The following TRAPPC8 variants were observed in gnomAD, a reference collection of about 807,000 sequenced individuals.
TRAPPC8 encodes the protein general sporulation gene 1 homolog.
TRAPPC8 carries 54 observed loss-of-function variants against 174.3 expected under a neutral mutation model. The ratio of observed to expected loss-of-function variants is 0.31; its 90% confidence interval spans 0.25 to 0.39. TRAPPC8 has a LOEUF of 0.39. Ranked by LOEUF, TRAPPC8 falls within the 10% of genes least tolerant of loss-of-function variation. The pLI is 1.00. For missense variants in TRAPPC8, 1,531 were observed against 1,699.1 expected (o/e 0.90, Z 1.74); for synonymous variants, 630 against 579.9 (o/e 1.09, Z -1.24).
At chr18:31,898,716 T>C (rs1303711734) in intron 10 of TRAPPC8, among the ~76,000 whole-genome samples, 1 of 152,210 alleles carries the variant, frequency 6.6e-6, no homozygotes, top group Non-Finnish European at 1.5e-5. Flanking sequence ...AAAAACATAA[T>C]CAGTTGATTT....
intron 18 of TRAPPC8, among the ~76,000 whole-genome samples, chr18:31,866,554 T>C (rs965154597): frequency 6.6e-6 from 1 of 151,676 alleles, no homozygotes; most frequent in Non-Finnish European, 1.5e-5. Flanking sequence ...AGACAATCAA[T>C]GGTTAGAATT....
At chr18:31,880,161 A>G (rs1217631168) in intron 12 of TRAPPC8, among the ~76,000 whole-genome samples, 1 of 143,764 alleles carries the variant, frequency 7.0e-6, no homozygotes, top group Non-Finnish European at 1.5e-5. Context: ...TCCTTAACTA[A>G]TATCATCCTG....
At chr18:31,858,039 T>G in intron 19 of TRAPPC8, 57 bp from the exon 20 acceptor site, 1 of 1,433,688 alleles carries the variant, frequency 7.0e-7, no homozygotes, top group Non-Finnish European at 9.4e-7. Context: ...GAACCTCTAA[T>G]GAATAACACT....
At position 31,913,469 on chromosome 18, in the gene TRAPPC8, T is replaced by G. The variant is rs371292283; in HGVS notation, c.671A>C (p.Tyr224Ser). The change falls in exon 5 of 29, where the codon TAT (tyrosine) becomes TCT (serine). Residue 224 changes from tyrosine (Y) to serine (S), a missense_variant. Coordinates refer to ENST00000283351, the MANE Select transcript of TRAPPC8 (RefSeq NM_014939.5). ...MKQKYGTQGCYLLKINSRTSN... is the reference protein window; with the variant it reads ...MKQKYGTQGCSLLKINSRTSN... ...TGTTCGAGAATTAATTTTAAGTAAA[T>G]AGCAACCCTGAGTTCCATATTTCTG... is the stretch of plus-strand genomic sequence containing the variant. 16 of 1,611,362 alleles carry G rather than the reference T, an allele frequency of 9.9e-6. No individual in the cohort carries two copies. The African/African-American group carries it at 2.0e-4, about 20-fold the overall frequency.
At chr18:31,910,590 T>A (rs1017950822) in intron 5 of TRAPPC8, among the ~76,000 whole-genome samples, 4 of 152,198 alleles carry the variant, frequency 2.6e-5, no homozygotes, top group Non-Finnish European at 5.9e-5. Flanking sequence ...TTTTTATTGA[T>A]CCTTAAGCAA....
intron 4 of TRAPPC8, among the ~76,000 whole-genome samples, chr18:31,914,681 A>G (rs191388243): frequency 1.2e-3 from 177 of 152,312 alleles, no homozygotes; most frequent in African/African-American, 4.1e-3. Context: ...ATTAAACTAC[A>G]TTTCCTCAGT....
At chr18:31,873,379 GT>G (rs746592404) in intron 14 of TRAPPC8, 50 bp downstream of exon 14, 1 of 1,430,714 alleles carries the variant, frequency 7.0e-7, no homozygotes, top group South Asian at 1.3e-5. Context: ...AGGAAAAGAA[GT>G]TTTTTTTAAA....
chr18:31,832,231 TCC>T, intron 27 of TRAPPC8, 58 bp from the exon 28 acceptor site: 1 of 1,074,030 alleles, frequency 9.3e-7, no homozygotes, highest in Non-Finnish European at 1.3e-6. Flanking sequence ...AAAGCAATTT[TCC>T]TGAAAATAAC....
At chr18:31,833,632 T>C (rs1307428807) in intron 27 of TRAPPC8, among the ~76,000 whole-genome samples, 1 of 152,196 alleles carries the variant, frequency 6.6e-6, no homozygotes, top group Non-Finnish European at 1.5e-5. Flanking sequence ...CAGAAATACC[T>C]GGCAAGCTTG....
chr18:31,860,189 T>C (rs1359532796), intron 19 of TRAPPC8, among the ~76,000 whole-genome samples: 1 of 152,124 alleles, frequency 6.6e-6, no homozygotes, highest in African/African-American at 2.4e-5. Flanking sequence ...GAGTACAAAA[T>C]GACATGCTTA....
chr18:31,871,145 G>A lies in TRAPPC8; in HGVS notation c.2063-25C>T, dbSNP rs374777270. On this transcript the variant is annotated intron_variant, in intron 14 of 28. Transcript: ENST00000283351. ...CCTAAAAAAAATTTGTTAACAACAC[G>A]TTTATGAAGACTTGCCCTCAAATAA... 12 of 1,414,480 alleles carry A rather than the reference G, an allele frequency of 8.5e-6. No individual in the cohort carries two copies. In the African/African-American group the frequency reaches 8.6e-5, roughly 10 times the overall value. 87.6% of individuals were successfully genotyped at this position (1,414,480 alleles called of 1,614,324 possible).
intron 24 of TRAPPC8, 70 bp downstream of exon 24, chr18:31,852,376 C>T: frequency 6.3e-7 from 1 of 1,574,990 alleles, no homozygotes; most frequent in Non-Finnish European, 8.7e-7. Context: ...TGCGATAAGC[C>T]TTGCCAAAAA....
chr18:31,923,631 T>G (rs975500660), intron 2 of TRAPPC8, among the ~76,000 whole-genome samples: 2 of 152,284 alleles, frequency 1.3e-5, no homozygotes, highest in Middle Eastern at 3.4e-3. Flanking sequence ...TATTATTCTG[T>G]TTAATGAAAT....
rs1363038217 is a variant in TRAPPC8, at chr18:31,866,879, C to G, written c.2560G>C (p.Gly854Arg). The G allele has an allele frequency of 2.2e-5, 36 of 1,613,386 alleles. No homozygotes were observed. In the Admixed American group the frequency reaches 6.0e-4, roughly 27 times the overall value. ...TGACATCCGGGAAGAGCACCAATGC[C>G]ATCTACTGTCATAGAGCCCTGAATA... is the stretch of plus-strand genomic sequence containing the variant. ...GTIQGSMTVD[G>R]IGALPGCHTG... Residue 854 changes from glycine (G) to arginine (R), a missense_variant, in exon 18 of 29, where the codon GGC becomes CGC. By Grantham distance (125) the Gly-to-Arg change is moderately radical (BLOSUM62 -2). Coordinates refer to ENST00000283351, the MANE Select transcript of TRAPPC8 (RefSeq NM_014939.5).
At position 31,936,303 on chromosome 18, in the gene TRAPPC8, A is replaced by T. The variant is rs572899216; in HGVS notation, c.158-4780T>A. Among the ~76,000 whole-genome samples, 1,041 of 149,916 alleles carry T rather than the reference A, an allele frequency of 6.9e-3. 6 individuals carry two copies. Among genetic ancestry groups the T allele is most frequent in the African/African-American group, 0.016 (674 of 40,866 alleles). On this transcript the variant is annotated intron_variant, in intron 1 of 28. Transcript: ENST00000283351. ...GCAAAACCCCATCTCTACAAAAAAA[A>T]TTTTTTTTTTAATTAGCCAAATGTG...
At chr18:31,909,527 T>G (rs1598723259) in intron 6 of TRAPPC8, 140 bp downstream of exon 6, 1 of 1,380,330 alleles carries the variant, frequency 7.2e-7, no homozygotes, top group East Asian at 2.9e-5. Context: ...AGTAAAATCT[T>G]CAGAAGAAAA....
chr18:31,921,176 A>G (rs1220801705), intron 2 of TRAPPC8, among the ~76,000 whole-genome samples: 3 of 152,162 alleles, frequency 2.0e-5, no homozygotes, highest in Non-Finnish European at 2.9e-5. Flanking sequence ...CAAAAAAAGG[A>G]AAATATGAAG....
chr18:31,882,106 G>A (rs914254248), intron 12 of TRAPPC8, among the ~76,000 whole-genome samples: 1 of 152,142 alleles, frequency 6.6e-6, no homozygotes, highest in African/African-American at 2.4e-5. Context: ...TACTAGGTAT[G>A]TACCCAAAGA....
chr18:31,858,985 G>A (rs563232436), intron 19 of TRAPPC8, among the ~76,000 whole-genome samples: 1 of 152,214 alleles, frequency 6.6e-6, no homozygotes, highest in East Asian at 1.9e-4. Context: ...TCCAGCTACT[G>A]GGGAGGCTGC....
Sources: gnomAD v4.1 joint callset for allele counts (sites outside exome capture counted in the v4.1 genomes callset) on GRCh38, gnomAD v4.1.1 for gene constraint, MANE v1.5 for transcripts, NCBI Gene and HGNC (gene_info 2026-07-23, HGNC 2026-07-21) for gene names.